The following RIMBP2 variants were observed in gnomAD, a reference collection of about 807,000 sequenced individuals.
RIMBP2 encodes RIMS-binding protein 2.
A neutral mutation model predicts 118.6 loss-of-function variants in RIMBP2; 48 were observed. The observed-to-expected ratio is 0.40, with a 90% CI of 0.32 to 0.51. The LOEUF (loss-of-function observed/expected upper bound fraction) is 0.51, where lower values mean the gene tolerates loss of function less well. RIMBP2 is among the 20% of genes least tolerant of loss of function. RIMBP2 has a pLI of 0.41. For synonymous variants in RIMBP2, 762 were observed against 742.9 expected (o/e 1.03, Z -0.42); for missense variants, 1,551 against 1,768.3 (o/e 0.88, Z 2.20).
chr12:130,605,943 C>T (rs1266300990), intron 2 of RIMBP2, among the ~76,000 whole-genome samples: 1 of 152,090 alleles, frequency 6.6e-6, no homozygotes, highest in Non-Finnish European at 1.5e-5. Context: ...TGGTGGGAGC[C>T]TGTAGTCCCA....
intron 2 of RIMBP2, among the ~76,000 whole-genome samples, chr12:130,571,511 C>G (rs2057658763): frequency 6.6e-6 from 1 of 151,738 alleles, no homozygotes; most frequent in Non-Finnish European, 1.5e-5. Flanking sequence ...CCTCCGCCTC[C>G]CAGGTTCAAG....
chr12:130,538,485 A>G (rs896555386), intron 2 of RIMBP2, among the ~76,000 whole-genome samples: 5 of 151,222 alleles, frequency 3.3e-5, no homozygotes, highest in African/African-American at 1.2e-4. Flanking sequence ...TCCACTCAAC[A>G]CTCCTCCAGC....
At chr12:130,631,081 C>T (rs568860645) in intron 1 of RIMBP2, among the ~76,000 whole-genome samples, 2 of 152,034 alleles carry the variant, frequency 1.3e-5, no homozygotes, top group Non-Finnish European at 2.9e-5. Flanking sequence ...GGGTTTGAAA[C>T]AAGATTACAA....
chr12:130,616,011 G>GTC (rs2060911046), intron 2 of RIMBP2, among the ~76,000 whole-genome samples: 1 of 152,148 alleles, frequency 6.6e-6, no homozygotes, highest in Non-Finnish European at 1.5e-5. Flanking sequence ...GCAGGCACCA[G>GTC]TCTCCCTGCC....
rs1353219069 is a variant in RIMBP2, at chr12:130,447,671, G to A, written c.582-2402C>T. Among the ~76,000 whole-genome samples the A allele has an allele frequency of 6.6e-6, 1 of 152,160 alleles. No individual in the cohort carries two copies. Among genetic ancestry groups the A allele is most frequent in the Non-Finnish European group, 1.5e-5 (1 of 68,020 alleles). ...ACTGCAAGTGGGTGAACTGTGCAGTGAGGACCATCTCTCCGTACAGCTGGC... is the reference window on the plus strand; with the variant it reads ...ACTGCAAGTGGGTGAACTGTGCAGTAAGGACCATCTCTCCGTACAGCTGGC... On this transcript the variant is annotated intron_variant, in intron 9 of 22. Coordinates refer to ENST00000690449, the MANE Select transcript of RIMBP2 (RefSeq NM_001393629.1). This position sits in a 1 kb window ranked among gnomAD's most constrained non-coding sequence, Gnocchi z 4.4.
At chr12:130,664,415 A>ACGCACGCACACACGCACACCCACGCACG (rs1195044326) in intron 1 of RIMBP2, among the ~76,000 whole-genome samples, 1 of 130,496 alleles carries the variant, frequency 7.7e-6, no homozygotes, top group East Asian at 2.3e-4. Flanking sequence ...ACGCACGCAC[A>ACGCACGCACACACGCACACCCACGCACG]CACACGCACA....
chr12:130,553,858 G>A (rs1264997094), intron 2 of RIMBP2, among the ~76,000 whole-genome samples: 1 of 152,252 alleles, frequency 6.6e-6, no homozygotes, highest in Non-Finnish European at 1.5e-5. Flanking sequence ...TAAAGATGGA[G>A]AAACTGTTAG....
chr12:130,455,672 C>T (rs541371002), intron 7 of RIMBP2, among the ~76,000 whole-genome samples: 11 of 152,318 alleles, frequency 7.2e-5, no homozygotes, highest in Non-Finnish European at 1.5e-4. Context: ...ACCCAAGGTA[C>T]TTATATATTC....
intron 14 of RIMBP2, among the ~76,000 whole-genome samples, chr12:130,433,515 CTGA>C (rs2077290636): frequency 6.6e-6 from 1 of 152,206 alleles, no homozygotes; most frequent in South Asian, 2.1e-4. Flanking sequence ...GGTCTGCAAA[CTGA>C]TGTCACCAAT....
intron 12 of RIMBP2, 148 bp downstream of exon 12, chr12:130,438,217 A>G (rs2077687455): frequency 2.5e-6 from 2 of 811,124 alleles, no homozygotes; most frequent in Non-Finnish European, 3.9e-6. Flanking sequence ...CCTGGGGTTC[A>G]CGCTGATGGA....
intron 1 of RIMBP2, among the ~76,000 whole-genome samples, chr12:130,636,655 C>A (rs2062364951): frequency 6.6e-6 from 1 of 152,116 alleles, no homozygotes; most frequent in Non-Finnish European, 1.5e-5. Flanking sequence ...AACACTAAAC[C>A]ATCAGCCAGC....
chr12:130,547,338 CT>C, intron 2 of RIMBP2, among the ~76,000 whole-genome samples: 1 of 152,318 alleles, frequency 6.6e-6, no homozygotes, highest in South Asian at 2.1e-4. Flanking sequence ...GGGGAAATAT[CT>C]TTTGGGCACA....
At chr12:130,656,957 G>C (rs1049452612) in intron 1 of RIMBP2, among the ~76,000 whole-genome samples, 1 of 152,220 alleles carries the variant, frequency 6.6e-6, no homozygotes, top group African/African-American at 2.4e-5. Context: ...GAGTGCATTA[G>C]TGTAATCATA....
intron 14 of RIMBP2, among the ~76,000 whole-genome samples, chr12:130,432,439 T>G (rs976272199): frequency 6.6e-6 from 1 of 152,208 alleles, no homozygotes; most frequent in Non-Finnish European, 1.5e-5. Flanking sequence ...TGGCAGGTGT[T>G]GCTGGCTCGA....
chr12:130,437,431 G>A (rs1330753550), intron 12 of RIMBP2, 140 bp from the exon 13 acceptor site: 7 of 699,604 alleles, frequency 1.0e-5, no homozygotes, highest in Non-Finnish European at 1.7e-5. Context: ...CACCCGCCAG[G>A]TATGGAAGCT....
At position 130,412,899 on chromosome 12, in the gene RIMBP2, A is replaced by T. The variant is rs1789869054; in HGVS notation, c.3421-112T>A. The T allele has an allele frequency of 9.6e-6, 10 of 1,042,918 alleles. 1 individual carries two copies. The highest frequency in any genetic ancestry group is 2.3e-4 in the Middle Eastern group (1 of 4,312). The allele number at this position is 1,042,918 out of a possible 1,614,324, so 64.6% of individuals were successfully genotyped here. The stretch of plus-strand genomic sequence containing the variant: ...CGAAAATATATTTTAAATATAGTTT[A>T]AAAATACCATAAATCACCTGCATAG... On this transcript the variant is annotated intron_variant, in intron 18 of 22. Coordinates refer to ENST00000690449, the MANE Select transcript of RIMBP2 (RefSeq NM_001393629.1).
chr12:130,439,257 C>T (rs1364754969), intron 11 of RIMBP2, among the ~76,000 whole-genome samples: 1 of 151,116 alleles, frequency 6.6e-6, no homozygotes, highest in African/African-American at 2.4e-5. Flanking sequence ...TGTATATGTA[C>T]ATGTGTATGT....
intron 2 of RIMBP2, among the ~76,000 whole-genome samples, chr12:130,545,511 A>T (rs2139629067): frequency 6.6e-6 from 1 of 152,352 alleles, no homozygotes; most frequent in African/African-American, 2.4e-5. Context: ...TACATTATTC[A>T]AGTTCATTTC....
At chr12:130,438,334 A>ATGCCG in intron 12 of RIMBP2, 31 bp downstream of exon 12, 1 of 1,344,516 alleles carries the variant, frequency 7.4e-7, no homozygotes, top group Non-Finnish European at 1.1e-6. Context: ...GGGCCTAACA[A>ATGCCG]ACCCTCCCCA....
Sources: allele counts gnomAD v4.1 joint callset (sites outside exome capture counted in the v4.1 genomes callset), GRCh38; gene constraint gnomAD v4.1.1; non-coding constraint Gnocchi (gnomAD v3.1); transcripts MANE v1.5; gene names NCBI Gene and HGNC (gene_info 2026-07-23, HGNC 2026-07-21).